The following DROSHA variants were observed in gnomAD, a reference collection of about 807,000 sequenced individuals.
DROSHA encodes drosha ribonuclease III.
In DROSHA, 56 loss-of-function variants were observed where a neutral mutation model predicts 181.9. The ratio of observed to expected loss-of-function variants is 0.31; its 90% CI spans 0.25 to 0.38. The LOEUF (loss-of-function observed/expected upper bound fraction) is 0.38, where lower values mean the gene tolerates loss of function less well. DROSHA is among the 10% of genes least tolerant of loss of function. The pLI, the probability that DROSHA is intolerant of heterozygous loss-of-function variation, is 1.00. For missense variants in DROSHA, 1,218 were observed against 1,743.5 expected, an observed-to-expected ratio of 0.70 and a Z score of 5.37; for synonymous variants, 524 against 591.2, an observed-to-expected ratio of 0.89 and a Z score of 1.65.
In DROSHA at chr5:31,405,725, TATTAA is replaced by T; in HGVS notation, c.3948-7_3948-3del. The T allele has an allele frequency of 1.3e-6, 2 of 1,485,098 alleles. No individual in the cohort carries two copies. Among genetic ancestry groups the T allele is most frequent in the Non-Finnish European group, 1.8e-6 (2 of 1,103,212 alleles). 92.0% of individuals were successfully genotyped at this position (1,485,098 alleles called of 1,614,324 possible). On this transcript the variant is annotated splice_polypyrimidine_tract_variant and splice_region_variant and intron_variant, in intron 34 of 35. Transcript: ENST00000344624. ...GCTCCCATTTCCGCTTGCTGAATAC[TATTAA>T]ATAAAATAAAGTAAGACATACTTTA...
intron 6 of DROSHA, among the ~76,000 whole-genome samples, chr5:31,520,095 AGGTGGT>A (rs1739719216): frequency 6.6e-6 from 1 of 152,006 alleles, no homozygotes; most frequent in South Asian, 2.1e-4. Context: ...CTTTTTTTAG[AGGTGGT>A]GCAAAGTAAG....
chr5:31,487,154 C>T (rs183817302), intron 13 of DROSHA, among the ~76,000 whole-genome samples: 3 of 152,308 alleles, frequency 2.0e-5, no homozygotes, highest in Non-Finnish European at 4.4e-5. Flanking sequence ...ATCACAACAT[C>T]CCTATAACAT....
intron 16 of DROSHA, among the ~76,000 whole-genome samples, chr5:31,481,071 GA>G (rs200221330): frequency 0.1 from 15,469 of 150,778 alleles, 1,007 homozygotes; most frequent in East Asian, 0.23. Context: ...CTTCTGCACA[GA>G]AAAAAATGAA....
Position 31,511,154 on chromosome 5 carries a change from G to A in DROSHA, c.1313C>T (p.Thr438Met). ...DQVGDSTVVG[T>M]SRLRDLYDKF... ...GTCATATAAGTCACGAAGCCTACTCGTTCCAACCACTGTAGAATCTCCCTT... is the reference window on the plus strand; with the variant it reads ...GTCATATAAGTCACGAAGCCTACTCATTCCAACCACTGTAGAATCTCCCTT... The change falls in exon 9 of 36, where the codon ACG (threonine) becomes ATG (methionine). Residue 438 changes from threonine to methionine, a missense_variant. Thr to Met is a moderately conservative substitution (Grantham distance 81). Coordinates refer to ENST00000344624, the MANE Select transcript of DROSHA (RefSeq NM_001382508.1). The A allele has an allele frequency of 6.2e-7, 1 of 1,613,684 alleles. No individual in the cohort carries two copies. The highest frequency in any genetic ancestry group is 8.5e-7 in the Non-Finnish European group (1 of 1,179,790).
chr5:31,494,772 T>C (rs1580294565), intron 12 of DROSHA, among the ~76,000 whole-genome samples: 1 of 152,206 alleles, frequency 6.6e-6, no homozygotes, highest in Admixed American at 6.5e-5. Flanking sequence ...CCTCCTGGGT[T>C]CACGCCATTC....
Position 31,511,111 on chromosome 5 carries a change from C to T in DROSHA, c.1356G>A (p.Leu452=), listed in dbSNP as rs1040634325. The T allele has an allele frequency of 3.7e-6, 6 of 1,613,792 alleles. No homozygotes were observed. The Admixed American group carries it at 6.7e-5, about 18-fold the overall frequency. The change falls in exon 9 of 36, where the codon TTG becomes TTA. Residue 452 remains leucine (L), a synonymous_variant. Coordinates refer to ENST00000344624, the MANE Select transcript of DROSHA (RefSeq NM_001382508.1). ...RDLYDKFEEE[L]GSRQEKAKAA... is the part of the protein sequence containing the mutation. ...CTTTGGCCTTTTCTTGCCTGCTCCCCAACTCCTCCTCAAATTTGTCATATA... is the reference window on the plus strand; with the variant it reads ...CTTTGGCCTTTTCTTGCCTGCTCCCTAACTCCTCCTCAAATTTGTCATATA...
intron 23 of DROSHA, among the ~76,000 whole-genome samples, chr5:31,440,164 T>C (rs1745394413): frequency 6.6e-6 from 1 of 152,080 alleles, no homozygotes. Flanking sequence ...TCTCCCAAAC[T>C]GCACTCATTC....
rs1306236764 is a variant in DROSHA, at chr5:31,424,412, G to A, written c.3261+15C>T. 4 of 1,595,770 alleles carry A rather than the reference G, an allele frequency of 2.5e-6. No homozygotes were observed. The highest frequency in any genetic ancestry group is 3.4e-6 in the Non-Finnish European group (4 of 1,171,082). On this transcript the variant is annotated intron_variant, in intron 28 of 35. Transcript: ENST00000344624. Reference sequence around the variant, plus strand: ...GAGTTATAAAGCTCACTGCAGACAGGGAGGTCATACTTACTTGGAGTGGGT... The same window carrying A: ...GAGTTATAAAGCTCACTGCAGACAGAGAGGTCATACTTACTTGGAGTGGGT...
chr5:31,419,209 G>C (rs1270893333), intron 30 of DROSHA, among the ~76,000 whole-genome samples: 1 of 152,170 alleles, frequency 6.6e-6, no homozygotes, highest in Non-Finnish European at 1.5e-5. Flanking sequence ...TAATGCTAAT[G>C]GGAGTTGGTA....
chr5:31,496,699 A>G (rs1753023528), intron 11 of DROSHA, among the ~76,000 whole-genome samples: 2 of 152,228 alleles, frequency 1.3e-5, no homozygotes, highest in African/African-American at 4.8e-5. Flanking sequence ...AGCCCCATCA[A>G]GTTGTGCTCC....
At chr5:31,429,612 T>G in intron 26 of DROSHA, 67 bp from the exon 27 acceptor site, 80 of 1,380,212 alleles carry the variant, frequency 5.8e-5, no homozygotes, top group Non-Finnish European at 7.3e-5. Flanking sequence ...GACATATCTC[T>G]ATAATAAAGC....
At chr5:31,476,642 A>C (rs1750398932) in intron 16 of DROSHA, among the ~76,000 whole-genome samples, 1 of 152,232 alleles carries the variant, frequency 6.6e-6, no homozygotes, top group Non-Finnish European at 1.5e-5. Flanking sequence ...AACTCAGGGC[A>C]GATAACCTGA....
At chr5:31,446,722 T>A (rs1344788322) in intron 23 of DROSHA, among the ~76,000 whole-genome samples, 3 of 144,412 alleles carry the variant, frequency 2.1e-5, no homozygotes, top group East Asian at 4.1e-4. Context: ...TCAACCTAAA[T>A]GCCCTTCAGT....
chr5:31,405,767 C>CTTT lies in DROSHA; in HGVS notation c.3948-47_3948-45dup, dbSNP rs67380927. On this transcript the variant is annotated intron_variant, in intron 34 of 35. Coordinates refer to ENST00000344624, the MANE Select transcript of DROSHA (RefSeq NM_001382508.1). ...TAAGACATACTTTAATTTCAAGATT[C>CTTT]TTTTTTTTTTTTTTTTTTTTTTTTC... The CTTT allele has an allele frequency of 9.3e-3, 4,342 of 468,044 alleles. 53 individuals carry two copies. Among genetic ancestry groups the CTTT allele is most frequent in the South Asian group, 0.017 (577 of 34,586 alleles). The allele number at this position is 468,044 out of a possible 1,614,324, so 29.0% of individuals were successfully genotyped here.
chr5:31,517,834 GT>G (rs1739434538), intron 6 of DROSHA, among the ~76,000 whole-genome samples: 1 of 152,110 alleles, frequency 6.6e-6, no homozygotes, highest in African/African-American at 2.4e-5. Context: ...GGAGGCCGGG[GT>G]AGGAGGATCA....
At chr5:31,410,075 C>A (rs1741125341) in intron 31 of DROSHA, among the ~76,000 whole-genome samples, 1 of 151,522 alleles carries the variant, frequency 6.6e-6, no homozygotes, top group Admixed American at 6.6e-5. Flanking sequence ...GTTCCTTAGT[C>A]AGAATGCCTT....
chr5:31,496,682 T>C (rs1174039014), intron 11 of DROSHA, among the ~76,000 whole-genome samples: 2 of 152,234 alleles, frequency 1.3e-5, no homozygotes, highest in African/African-American at 2.4e-5. Context: ...GCCTGCTCTA[T>C]GCCCACAGCC....
rs1390623554 is a variant in DROSHA at position 31,468,029 on chromosome 5, C to T, written c.2276G>A (p.Arg759His). 3.1e-6 allele frequency: 5 copies of T among 1,611,422 alleles called. No individual in the cohort carries two copies. Among genetic ancestry groups the T allele is most frequent in the South Asian group, 1.1e-5 (1 of 90,336 alleles). The change falls in exon 18 of 36, where the codon CGT becomes CAT. Residue 759 changes from arginine (R) to histidine (H), a missense_variant. Arg to His is a conservative substitution (Grantham distance 29). This residue lies in a region of DROSHA where 460 missense variants were observed against 774.2 expected (regional missense o/e 0.59). Transcript: ENST00000344624. ...AATCACATCGGGGTTGAACTGTTCA[C>T]GATCCAGTTGATCGATACGGACAGA... is the stretch of plus-strand genomic sequence containing the variant. Reference protein sequence around the residue: ...PSSVRIDQLDREQFNPDVITF... With the variant: ...PSSVRIDQLDHEQFNPDVITF...
chr5:31,486,760 G>A lies in DROSHA; in HGVS notation c.1843-198C>T, dbSNP rs149009335. 800 of 494,998 alleles carry A rather than the reference G, an allele frequency of 1.6e-3. 6 individuals carry two copies. Among genetic ancestry groups the A allele is most frequent in the African/African-American group, 0.014 (733 of 51,622 alleles). The allele number at this position is 494,998 out of a possible 1,614,324, so 30.7% of individuals were successfully genotyped here. ...ACAAGAACCCAGCTGGCCTGGCCTC[G>A]CCAAGAAACCTGCATAATGTGGTGC... On this transcript the variant is annotated intron_variant, in intron 13 of 35. Coordinates refer to ENST00000344624, the MANE Select transcript of DROSHA (RefSeq NM_001382508.1).
Sources: gnomAD v4.1 joint callset for allele counts (sites outside exome capture counted in the v4.1 genomes callset) on GRCh38, gnomAD v4.1.1 for gene constraint, gnomAD v4.1.1 regional missense constraint, MANE v1.5 for transcripts, NCBI Gene and HGNC (gene_info 2026-07-23, HGNC 2026-07-21) for gene names.